The following SIL1 variants were observed in gnomAD, a reference collection of about 807,000 sequenced individuals.
SIL1 encodes the protein SIL1 nucleotide exchange factor.
SIL1 carries 40 observed loss-of-function variants against 49.1 expected under a neutral mutation model. The observed-to-expected ratio is 0.81, with a 90% confidence interval of 0.63 to 1.06. The LOEUF is 1.06. Ranked by LOEUF, SIL1 falls within the 50% of genes least tolerant of loss-of-function variation. The pLI is 0.00. For synonymous variants in SIL1, 253 were observed against 250.8 expected (o/e 1.01, Z -0.08); for missense variants, 500 against 572.6 (o/e 0.87, Z 1.29).
intron 1 of SIL1, among the ~76,000 whole-genome samples, chr5:139,130,365 G>C (rs1376947531): frequency 6.6e-6 from 1 of 152,112 alleles, no homozygotes; most frequent in Non-Finnish European, 1.5e-5. Flanking sequence ...GGCCAATAGG[G>C]ACACGAAAAG....
At position 139,077,241 on chromosome 5, in the gene SIL1, C is replaced by G. The variant is rs75664967; in HGVS notation, c.245-26195G>C. On this transcript the variant is annotated intron_variant, in intron 3 of 9. Coordinates refer to ENST00000394817, the MANE Select transcript of SIL1 (RefSeq NM_022464.5). ...CATTCAATCTAAAAACAAGTTGTTT[C>G]CCAAATTTTTCTGGGATTTCATGTG... 7.8e-3 allele frequency among the ~76,000 whole-genome samples: 1,185 copies of G among 152,326 alleles called. 21 individuals carry two copies. The highest frequency in any genetic ancestry group is 0.047 in the South Asian group (227 of 4,826).
intron 3 of SIL1, among the ~76,000 whole-genome samples, chr5:139,114,701 G>T (rs1770947093): frequency 6.6e-6 from 1 of 152,218 alleles, no homozygotes. Flanking sequence ...GGGTGGCACT[G>T]TGCAGAAAGA....
At chr5:139,179,500 A>C (rs1306707180) in intron 1 of SIL1, among the ~76,000 whole-genome samples, 3 of 152,146 alleles carry the variant, frequency 2.0e-5, no homozygotes, top group Non-Finnish European at 4.4e-5. Flanking sequence ...ATAAAGCTCT[A>C]ATTAAGGCCA....
chr5:139,135,451 T>C (rs1750954954), intron 1 of SIL1, among the ~76,000 whole-genome samples: 1 of 152,176 alleles, frequency 6.6e-6, no homozygotes, highest in African/African-American at 2.4e-5. Context: ...AAATCCACCG[T>C]GCAGCCTGCA....
Position 139,048,369 on chromosome 5 carries a change from GTTTT to G in SIL1, c.353+2565_353+2568del, listed in dbSNP as rs35482601. Among the ~76,000 whole-genome samples, 436 of 87,774 alleles carry G rather than the reference GTTTT, an allele frequency of 5.0e-3. 1 individual carries two copies. Among genetic ancestry groups the G allele is most frequent in the African/African-American group, 0.019 (417 of 21,700 alleles). The allele number at this position is 87,774 out of a possible 152,430, so 57.6% of individuals were successfully genotyped here. A position where few individuals can be genotyped will look rare whatever the true frequency, so the allele number is the denominator to read the frequency against. On this transcript the variant is annotated intron_variant, in intron 4 of 9. Transcript: ENST00000394817. ...TCTGTTTTGCTTTTTTTTGTTGTTG[GTTTT>G]TTTTTTTTTTTTTTTTTTTTGAGAC...
intron 3 of SIL1, among the ~76,000 whole-genome samples, chr5:139,067,671 A>G (rs970438534): frequency 6.6e-6 from 1 of 152,270 alleles, no homozygotes; most frequent in African/African-American, 2.4e-5. Flanking sequence ...AAACACATAC[A>G]TAAACACTCA....
intron 7 of SIL1, among the ~76,000 whole-genome samples, chr5:139,007,145 T>G (rs1189207417): frequency 9.6e-5 from 14 of 146,406 alleles, no homozygotes; most frequent in Non-Finnish European, 1.5e-4. Context: ...TTGAGCAGTG[T>G]TTTGTAGTTC....
chr5:139,160,293 G>A (rs1751487132), intron 1 of SIL1, among the ~76,000 whole-genome samples: 2 of 151,954 alleles, frequency 1.3e-5, no homozygotes, highest in South Asian at 4.1e-4. Flanking sequence ...CTCCTTTGAA[G>A]AACTGCAGAA....
At chr5:139,026,708 A>G in intron 6 of SIL1, 93 bp downstream of exon 6, 1 of 1,118,852 alleles carries the variant, frequency 8.9e-7, no homozygotes, top group East Asian at 2.4e-5. Context: ...GAGAGAAGTA[A>G]AGATGTTGAT....
At chr5:139,190,252 T>C (rs1752143852) in intron 1 of SIL1, among the ~76,000 whole-genome samples, 2 of 152,232 alleles carry the variant, frequency 1.3e-5, no homozygotes. Flanking sequence ...CTGTTACATC[T>C]GGCCTCATTC....
At chr5:138,986,569 G>A (rs1304006928) in intron 7 of SIL1, among the ~76,000 whole-genome samples, 1 of 152,126 alleles carries the variant, frequency 6.6e-6, no homozygotes, top group Non-Finnish European at 1.5e-5. Context: ...CCCAGGCGCA[G>A]GACAACACCA....
intron 3 of SIL1, among the ~76,000 whole-genome samples, chr5:139,111,870 T>G (rs1444593491): frequency 6.6e-6 from 1 of 151,350 alleles, no homozygotes; most frequent in South Asian, 2.1e-4. Flanking sequence ...CTCCCTCTCT[T>G]TCCACGGTCT....
chr5:138,989,372 A>C (rs772752219), intron 7 of SIL1, among the ~76,000 whole-genome samples: 7 of 152,192 alleles, frequency 4.6e-5, no homozygotes, highest in Non-Finnish European at 8.8e-5. Flanking sequence ...AACACAGTGA[A>C]ACCCCATCTC....
intron 5 of SIL1, among the ~76,000 whole-genome samples, chr5:139,031,666 T>A (rs1768796071): frequency 1.3e-5 from 2 of 152,210 alleles, no homozygotes; most frequent in Admixed American, 1.3e-4. Flanking sequence ...TTGATAGGAA[T>A]TGCACTAAAC....
At chr5:139,100,909 C>A (rs1160268392) in intron 3 of SIL1, among the ~76,000 whole-genome samples, 1 of 151,540 alleles carries the variant, frequency 6.6e-6, no homozygotes, top group Non-Finnish European at 1.5e-5. Context: ...TTCAGAGAAG[C>A]CTAGGTTGGA....
rs2151796216 is a variant in SIL1 at position 139,127,734 on chromosome 5, T to C, written c.105+5A>G. On this transcript the variant is annotated splice_donor_5th_base_variant and intron_variant, in intron 2 of 9. Transcript: ENST00000394817. ...GTCCCTCCCATTTACAATAAAGATA[T>C]TTACCAGGTTCTGATGACTGAGGCA... The C allele has an allele frequency of 6.2e-7, 1 of 1,606,648 alleles. No homozygotes were observed.
intron 3 of SIL1, among the ~76,000 whole-genome samples, chr5:139,080,682 T>C (rs1056896592): frequency 6.6e-6 from 1 of 152,182 alleles, no homozygotes; most frequent in African/African-American, 2.4e-5. Context: ...TTAATCTCTA[T>C]GATAAAAATG....
chr5:138,974,888 T>A (rs909847879), intron 7 of SIL1, among the ~76,000 whole-genome samples: 2 of 152,144 alleles, frequency 1.3e-5, no homozygotes, highest in Non-Finnish European at 2.9e-5. Flanking sequence ...CTCACATGAG[T>A]CTGTGAAGCA....
At chr5:138,991,106 A>C (rs1480774115) in intron 7 of SIL1, among the ~76,000 whole-genome samples, 2 of 152,226 alleles carry the variant, frequency 1.3e-5, no homozygotes, top group African/African-American at 4.8e-5. Context: ...TCTATAGCCT[A>C]CACCATCCTG....
Sources: gnomAD v4.1 joint callset for allele counts (sites outside exome capture counted in the v4.1 genomes callset) on GRCh38, gnomAD v4.1.1 for gene constraint, MANE v1.5 for transcripts, NCBI Gene and HGNC (gene_info 2026-07-23, HGNC 2026-07-21) for gene names.